SH3RF1: variants seen among roughly 807,000 people sequenced by gnomAD.
SH3RF1 encodes SH3 domain containing ring finger 1.
Under a neutral mutation model 74.0 loss-of-function variants are expected in SH3RF1, and 32 were observed. The observed-to-expected ratio is 0.43, with a 90% CI of 0.33 to 0.58. The LOEUF (loss-of-function observed/expected upper bound fraction) is 0.58, where lower values mean the gene tolerates loss of function less well. Ranked by LOEUF, SH3RF1 falls within the 20% of genes least tolerant of loss-of-function variation. The probability of loss-of-function intolerance (pLI) is 0.05; values close to 1 mark genes in which losing one functional copy is unlikely to be tolerated. For synonymous variants in SH3RF1, 396 were observed against 439.6 expected (o/e 0.90, Z 1.24); for missense variants, 954 against 1,130.9 (o/e 0.84, Z 2.24).
chr4:169,166,767 C>G, intron 2 of SH3RF1: 1 of 207,052 alleles, frequency 4.8e-6, no homozygotes, highest in Non-Finnish European at 9.4e-6. Flanking sequence ...CCCGAAGCAG[C>G]TGGCTACCGG....
At position 169,107,105 on chromosome 4, in the gene SH3RF1, C is replaced by A. The variant is rs771816922; in HGVS notation, c.2240G>T (p.Gly747Val). 6.2e-7 allele frequency: 1 copy of A among 1,613,914 alleles called. No individual in the cohort carries two copies. The highest frequency in any genetic ancestry group is 1.1e-5 in the South Asian group (1 of 91,080). Residue 747 changes from glycine (G) to valine (V), a missense_variant, in exon 11 of 12, where the codon GGC becomes GTC. By Grantham distance (109) the Gly-to-Val change is moderately radical. Around this residue, in one of 3 missense-constraint regions of SH3RF1, gnomAD observed 854 missense variants for 962.5 expected, o/e 0.89. Transcript: ENST00000284637. ...PASPTLEVEL[G>V]SAELPLQGAV... ...TCCCTGGAGAGGAAGCTCTGCACTG[C>A]CCAGCTCCACTTCTAGGGTGGGCGA...
intron 2 of SH3RF1, among the ~76,000 whole-genome samples, chr4:169,172,693 T>C (rs1341971288): frequency 6.6e-6 from 1 of 152,160 alleles, no homozygotes; most frequent in Non-Finnish European, 1.5e-5. Flanking sequence ...TAAGGTATTG[T>C]TGGCTGGCAG....
At position 169,106,623 on chromosome 4, in the gene SH3RF1, G is replaced by C. The variant is rs372373147; in HGVS notation, c.2498+224C>G. Among the ~76,000 whole-genome samples the C allele has an allele frequency of 9.2e-5, 14 of 152,222 alleles. No homozygotes were observed. In the East Asian group the frequency reaches 2.7e-3, roughly 29 times the overall value. On this transcript the variant is annotated intron_variant, in intron 11 of 11. Transcript: ENST00000284637. ...GGCGTGGCAGAGTAGAGAAAATAAA[G>C]GAAAAGGAAGGCTGGGGACCAACCC... is the stretch of plus-strand genomic sequence containing the variant.
Position 169,201,747 on chromosome 4 carries a change from T to C in SH3RF1, c.394-45068A>G, listed in dbSNP as rs186969956. 9 of 152,352 alleles carry C rather than the reference T, an allele frequency of 5.9e-5. No individual in the cohort carries two copies. The East Asian group carries it at 1.5e-3, about 26-fold the overall frequency. 9.4% of individuals were successfully genotyped at this position (152,352 alleles called of 1,614,324 possible). A position where few individuals can be genotyped will look rare whatever the true frequency, so the allele number is the denominator to read the frequency against. On this transcript the variant is annotated intron_variant, in intron 2 of 11. Coordinates refer to ENST00000284637, the MANE Select transcript of SH3RF1 (RefSeq NM_020870.4). Reference sequence around the variant, plus strand: ...CTATTGACTTCTCCTGAGGCTCTGATTTCCCAGTTGAAATCATATGTTGAT... The same window carrying C: ...CTATTGACTTCTCCTGAGGCTCTGACTTCCCAGTTGAAATCATATGTTGAT...
At chr4:169,165,641 G>T (rs970970517) in intron 2 of SH3RF1, among the ~76,000 whole-genome samples, 2 of 151,942 alleles carry the variant, frequency 1.3e-5, no homozygotes, top group Non-Finnish European at 2.9e-5. Context: ...AAAAGGCGGG[G>T]GGGGGAGTCA....
At chr4:169,121,667 G>A (rs1733437708) in intron 7 of SH3RF1, among the ~76,000 whole-genome samples, 1 of 152,074 alleles carries the variant, frequency 6.6e-6, no homozygotes, top group Non-Finnish European at 1.5e-5. Context: ...CAGGATCCAC[G>A]AAGACCTGGC....
chr4:169,115,561 A>T (rs1235482305), intron 10 of SH3RF1, among the ~76,000 whole-genome samples: 1 of 152,150 alleles, frequency 6.6e-6, no homozygotes, highest in Non-Finnish European at 1.5e-5. Flanking sequence ...TTGCAAGAAA[A>T]CAAACTCAGG....
chr4:169,168,803 T>C (rs879926833), intron 2 of SH3RF1, among the ~76,000 whole-genome samples: 1 of 152,248 alleles, frequency 6.6e-6, no homozygotes, highest in South Asian at 2.1e-4. Context: ...AATCAAATCA[T>C]CTGAGAGAAA....
chr4:169,114,194 T>C (rs962651255), intron 10 of SH3RF1, among the ~76,000 whole-genome samples: 1 of 152,146 alleles, frequency 6.6e-6, no homozygotes, highest in African/African-American at 2.4e-5. Context: ...GCAGGGCTGG[T>C]TCCTTCTGGA....
chr4:169,157,233 G>A (rs1197888400), intron 2 of SH3RF1, among the ~76,000 whole-genome samples: 1 of 152,154 alleles, frequency 6.6e-6, no homozygotes, highest in African/African-American at 2.4e-5. Context: ...ACTCTTTCAT[G>A]AGCTCAATGA....
chr4:169,102,034 A>C (rs183686429), intron 11 of SH3RF1, among the ~76,000 whole-genome samples: 6 of 152,218 alleles, frequency 3.9e-5, no homozygotes, highest in Admixed American at 2.0e-4. Flanking sequence ...TCTGTAGTTC[A>C]TACATTTTCA....
intron 2 of SH3RF1, among the ~76,000 whole-genome samples, chr4:169,238,935 A>G (rs973455221): frequency 6.7e-6 from 1 of 149,818 alleles, no homozygotes; most frequent in Non-Finnish European, 1.5e-5. Flanking sequence ...CATAAAACTG[A>G]CAGGTAAATG....
Position 169,153,027 on chromosome 4 carries a change from C to A in SH3RF1, c.765+2453G>T, listed in dbSNP as rs570961296. Among the ~76,000 whole-genome samples the A allele has an allele frequency of 5.3e-5, 8 of 152,214 alleles. No individual in the cohort carries two copies. The East Asian group carries it at 1.5e-3, about 29-fold the overall frequency. ...AGAGATTCTACTACAGGTCCACAAT[C>A]CTACCCCAAGGCCCATCCCGTGCAG... On this transcript the variant is annotated intron_variant, in intron 4 of 11. Coordinates refer to ENST00000284637, the MANE Select transcript of SH3RF1 (RefSeq NM_020870.4).
At chr4:169,113,111 C>CT (rs557151832) in intron 10 of SH3RF1, among the ~76,000 whole-genome samples, 22,644 of 150,016 alleles carry the variant, frequency 0.15, 1,681 homozygotes, top group South Asian at 0.18. Context: ...TCCCAGTTTT[C>CT]TTTTTTTTTT....
rs1378974271 is a variant in SH3RF1, at chr4:169,095,881, T to G, written c.*638A>C. Reference sequence around the variant, plus strand: ...ACTAGAAAGAGAGGGAATCACTAACTTCTCTTCTCTCAAGTTTCTGTCTCT... The same window carrying G: ...ACTAGAAAGAGAGGGAATCACTAACGTCTCTTCTCTCAAGTTTCTGTCTCT... On this transcript the variant is annotated 3_prime_UTR_variant, in exon 12 of 12. Coordinates refer to ENST00000284637, the MANE Select transcript of SH3RF1 (RefSeq NM_020870.4). 6.6e-6 allele frequency: 1 copy of G among 152,214 alleles called. No individual in the cohort carries two copies. Among genetic ancestry groups the G allele is most frequent in the Admixed American group, 6.5e-5 (1 of 15,270 alleles). 9.4% of individuals were successfully genotyped at this position (152,214 alleles called of 1,614,324 possible).
chr4:169,199,886 A>G (rs1734881429), intron 2 of SH3RF1, among the ~76,000 whole-genome samples: 1 of 152,180 alleles, frequency 6.6e-6, no homozygotes, highest in Non-Finnish European at 1.5e-5. Flanking sequence ...ATTAGATATT[A>G]TAATGTATTT....
chr4:169,200,887 C>G (rs543262515), intron 2 of SH3RF1, among the ~76,000 whole-genome samples: 1 of 152,102 alleles, frequency 6.6e-6, no homozygotes, highest in African/African-American at 2.4e-5. Context: ...TGGGTCAGAA[C>G]AGCTATGAGG....
chr4:169,126,420 T>G (rs901944904), intron 6 of SH3RF1, among the ~76,000 whole-genome samples: 2 of 152,180 alleles, frequency 1.3e-5, no homozygotes, highest in Non-Finnish European at 2.9e-5. Context: ...ACTTTCAAAC[T>G]AGCAAGGTTG....
intron 2 of SH3RF1, among the ~76,000 whole-genome samples, chr4:169,157,876 G>A (rs1334357240): frequency 6.6e-6 from 1 of 151,932 alleles, no homozygotes; most frequent in African/African-American, 2.4e-5. Context: ...AAGTAGCTGG[G>A]ATTGCAGGCA....
Sources: allele counts gnomAD v4.1 joint callset (sites outside exome capture counted in the v4.1 genomes callset), GRCh38; gene constraint gnomAD v4.1.1; regional missense constraint gnomAD v4.1.1; transcripts MANE v1.5; gene names NCBI Gene and HGNC (gene_info 2026-07-23, HGNC 2026-07-21).